Variants in MLLT10 observed in about 807,000 individuals in gnomAD.
The protein encoded by MLLT10 is MLLT10 histone lysine methyltransferase DOT1L cofactor.
Under a neutral mutation model 129.1 loss-of-function variants are expected in MLLT10, and 30 were observed. That is an observed-to-expected ratio of 0.23 (90% confidence interval 0.17 to 0.32). The LOEUF (loss-of-function observed/expected upper bound fraction) is 0.32. Among genes scored for constraint, MLLT10 ranks in the 10% least tolerant of loss-of-function variants. MLLT10 has a pLI of 1.00. For synonymous variants in MLLT10, 490 were observed against 446.4 expected, an observed-to-expected ratio of 1.10 and a Z score of -1.23; for missense variants, 1,119 against 1,268.3, an observed-to-expected ratio of 0.88 and a Z score of 1.79.
intron 12 of MLLT10, 92 bp downstream of exon 12, chr10:21,681,468 T>A: frequency 1.2e-6 from 1 of 844,114 alleles, no homozygotes; most frequent in Non-Finnish European, 1.9e-6. Context: ...CTCTAAATTT[T>A]AATATTCCAA....
chr10:21,617,172 C>A lies in MLLT10; in HGVS notation c.664C>A (p.His222Asn). 6.5e-7 allele frequency: 1 copy of A among 1,541,648 alleles called. No homozygotes were observed. The highest frequency in any genetic ancestry group is 1.3e-5 in the South Asian group (1 of 74,856). The change falls in exon 8 of 23, where the codon CAC (histidine) becomes AAC (asparagine). Residue 222 changes from histidine to asparagine, a missense_variant. Physicochemically the swap from His to Asn is moderately conservative, Grantham distance 68. Coordinates refer to ENST00000307729, the MANE Select transcript of MLLT10 (RefSeq NM_001195626.3). ...TCAAAGTTTAAGTGATTCTTCCTCT[C>A]ACTCTCAGGATAAACATCATGAGAA... ...YDQSLSDSSSHSQDKHHEKEK... is the reference protein window; with the variant it reads ...YDQSLSDSSSNSQDKHHEKEK...
At chr10:21,658,449 G>C (rs888933824) in intron 9 of MLLT10, among the ~76,000 whole-genome samples, 5 of 152,000 alleles carry the variant, frequency 3.3e-5, no homozygotes, top group Non-Finnish European at 7.4e-5. Context: ...TCATTTTTTG[G>C]CTAACCACAA....
Position 21,734,025 on chromosome 10 carries a change from G to T in MLLT10, c.2754G>T (p.Gly918=). 1.2e-6 allele frequency: 2 copies of T among 1,614,100 alleles called. No homozygotes were observed. The highest frequency in any genetic ancestry group is 8.5e-7 in the Non-Finnish European group (1 of 1,180,024). ...ATGGCATTGTAGGAGCTTTAAATGG[G>T]GTTATGCAGACTCCTGTCACAATGT... ...AINGIVGALN[G]VMQTPVTMSQ... Residue 918 remains glycine (G), a synonymous_variant, in exon 20 of 23, where the codon GGG becomes GGT. Transcript: ENST00000307729.
chr10:21,730,159 G>A (rs1216685442), intron 16 of MLLT10, among the ~76,000 whole-genome samples: 1 of 151,896 alleles, frequency 6.6e-6, no homozygotes, highest in African/African-American at 2.4e-5. Context: ...GTGCGTGGTA[G>A]TGTGTGCTCT....
At chr10:21,624,535 G>A (rs2046232809) in intron 8 of MLLT10, 1 of 1,078,972 alleles carries the variant, frequency 9.3e-7, no homozygotes, top group Non-Finnish European at 1.3e-6. Flanking sequence ...TTTGAAGAAT[G>A]TAGATCTAGA....
intron 3 of MLLT10, among the ~76,000 whole-genome samples, chr10:21,585,644 G>A (rs1043350172): frequency 3.3e-5 from 5 of 152,166 alleles, no homozygotes; most frequent in Non-Finnish European, 7.4e-5. Context: ...TATGTTAAAA[G>A]CCTTGCCCCA....
intron 14 of MLLT10, among the ~76,000 whole-genome samples, chr10:21,721,364 G>A (rs1255179688): frequency 2.0e-5 from 3 of 151,924 alleles, no homozygotes; most frequent in South Asian, 2.1e-4. Context: ...ATTATTCTGC[G>A]CTTATTAACA....
chr10:21,537,761 G>A (rs139859230), intron 2 of MLLT10, among the ~76,000 whole-genome samples: 4 of 152,224 alleles, frequency 2.6e-5, no homozygotes, highest in East Asian at 1.9e-4. Flanking sequence ...GAGCCACCGC[G>A]TCCGACCTGA....
chr10:21,534,557 C>T, intron 1 of MLLT10, 37 bp downstream of exon 1: 2 of 1,332,594 alleles, frequency 1.5e-6, no homozygotes, highest in Non-Finnish European at 9.9e-7. Context: ...GGGCGGGGGG[C>T]GCCGGGGCGG....
At chr10:21,647,721 G>C (rs564436627) in intron 8 of MLLT10, among the ~76,000 whole-genome samples, 1 of 151,934 alleles carries the variant, frequency 6.6e-6, no homozygotes, top group South Asian at 2.1e-4. Context: ...GGATTGCCCA[G>C]TCATGTCCAA....
chr10:21,641,318 A>G (rs1018159631), intron 8 of MLLT10, among the ~76,000 whole-genome samples: 12 of 152,230 alleles, frequency 7.9e-5, no homozygotes, highest in Non-Finnish European at 1.6e-4. Context: ...ATCACTTACT[A>G]CTAAGTAAAT....
intron 9 of MLLT10, among the ~76,000 whole-genome samples, chr10:21,666,222 A>T (rs911745656): frequency 6.6e-6 from 1 of 152,112 alleles, no homozygotes; most frequent in South Asian, 2.1e-4. Context: ...GCAATATTAT[A>T]CTAGTTTACA....
At chr10:21,640,024 A>G (rs1464750291) in intron 8 of MLLT10, among the ~76,000 whole-genome samples, 1 of 151,802 alleles carries the variant, frequency 6.6e-6, no homozygotes, top group Admixed American at 6.6e-5. Flanking sequence ...GCTGTTCTGA[A>G]GCTGCATCAG....
chr10:21,621,008 G>C (rs1435661014), intron 8 of MLLT10, among the ~76,000 whole-genome samples: 7 of 151,426 alleles, frequency 4.6e-5, no homozygotes, highest in Non-Finnish European at 1.0e-4. Flanking sequence ...TTCCTGAGAC[G>C]GAGTCTTGCT....
chr10:21,571,815 G>A (rs758629185), intron 3 of MLLT10, among the ~76,000 whole-genome samples: 1 of 152,126 alleles, frequency 6.6e-6, no homozygotes, highest in Admixed American at 6.5e-5. Flanking sequence ...AGTTGCAGAA[G>A]GTGTTTATAT....
At chr10:21,605,139 TA>T (rs2131167594) in intron 5 of MLLT10, among the ~76,000 whole-genome samples, 1 of 152,026 alleles carries the variant, frequency 6.6e-6, no homozygotes, top group Non-Finnish European at 1.5e-5. Flanking sequence ...CATCTTGGCT[TA>T]GCCTAGTCTA....
At chr10:21,692,130 C>T (rs184661626) in intron 13 of MLLT10, among the ~76,000 whole-genome samples, 24 of 151,640 alleles carry the variant, frequency 1.6e-4, no homozygotes, top group Admixed American at 1.2e-3. Context: ...CCTGAGATCA[C>T]GCTACTGCAC....
intron 8 of MLLT10, chr10:21,624,974 T>C (rs2046287301): frequency 1.6e-6 from 2 of 1,228,234 alleles, no homozygotes; most frequent in Non-Finnish European, 2.3e-6. Context: ...CACCCTGCCC[T>C]CCCCTTCCTC....
At chr10:21,551,981 G>T in intron 3 of MLLT10, 1 of 257,058 alleles carries the variant, frequency 3.9e-6, no homozygotes, top group Non-Finnish European at 7.7e-6. Context: ...TTTTAGAGAC[G>T]GAGTTTCACC....
Sources: gnomAD v4.1 joint callset for allele counts (sites outside exome capture counted in the v4.1 genomes callset) on GRCh38, gnomAD v4.1.1 for gene constraint, MANE v1.5 for transcripts, NCBI Gene and HGNC (gene_info 2026-07-23, HGNC 2026-07-21) for gene names.